Variants in AKR1B15 observed in about 807,000 individuals in gnomAD.
AKR1B15 encodes aldo-keto reductase family 1 member B15.
In AKR1B15, 49 loss-of-function variants were observed where a neutral mutation model predicts 38.5. That is an observed-to-expected ratio of 1.27 (90% CI 1.01 to 1.62). AKR1B15 has a LOEUF of 1.62. Ranked by LOEUF, AKR1B15 falls within the 40% of genes most tolerant of loss-of-function variation. AKR1B15 has a pLI of 0.00. For missense variants in AKR1B15, 411 were observed against 381.6 expected (o/e 1.08, Z -0.64); for synonymous variants, 137 against 135.5 (o/e 1.01, Z -0.08).
intron 3 of AKR1B15, chr7:134,564,989 A>G (rs1585801630): frequency 2.7e-6 from 1 of 373,158 alleles, no homozygotes; most frequent in East Asian, 4.6e-5. Context: ...AAACGCAGCA[A>G]TCAGCACTCT....
chr7:134,574,994 T>G (rs1794732891), intron 6 of AKR1B15, among the ~76,000 whole-genome samples: 1 of 152,226 alleles, frequency 6.6e-6, no homozygotes, highest in African/African-American at 2.4e-5. Context: ...TTGCCCAGGT[T>G]TGGGTGTACA....
chr7:134,577,746 C>A lies in AKR1B15; in HGVS notation c.952C>A (p.Leu318Ile). 3 of 1,614,008 alleles carry A rather than the reference C, an allele frequency of 1.9e-6. No homozygotes were observed. The highest frequency in any genetic ancestry group is 1.7e-6 in the Non-Finnish European group (2 of 1,179,970). The change falls in exon 11 of 12, where the codon CTC (leucine) becomes ATC (isoleucine). Residue 318 changes from leucine (L) to isoleucine (I), a missense_variant. Around this residue, in one of 3 missense-constraint regions of AKR1B15, gnomAD observed 133 missense variants for 120.3 expected, o/e 1.11. Coordinates refer to ENST00000457545, the MANE Select transcript of AKR1B15 (RefSeq NM_001080538.3). ...GAGTGATGAGGAGATGGCAACCATA[C>A]TCAGCTTCAACAGAAACTGGAGGGC... ...KLSDEEMATI[L>I]SFNRNWRAFD... is the part of the protein sequence containing the mutation.
intron 5 of AKR1B15, among the ~76,000 whole-genome samples, chr7:134,571,276 A>T (rs1216191421): frequency 1.3e-5 from 2 of 152,208 alleles, no homozygotes; most frequent in Non-Finnish European, 2.9e-5. Context: ...ATCTTTATCC[A>T]GTGATACTGA....
intron 1 of AKR1B15, among the ~76,000 whole-genome samples, chr7:134,556,495 T>C (rs1794201567): frequency 6.6e-6 from 1 of 152,172 alleles, no homozygotes; most frequent in Non-Finnish European, 1.5e-5. Flanking sequence ...AGGTATAACT[T>C]ACCTGCTTCT....
At chr7:134,551,884 G>A (rs996189012) in intron 1 of AKR1B15, among the ~76,000 whole-genome samples, 10 of 152,176 alleles carry the variant, frequency 6.6e-5, no homozygotes, top group Admixed American at 3.3e-4. Context: ...ACCCTGCCCC[G>A]CAGCAGAGGA....
chr7:134,577,845 G>T, intron 11 of AKR1B15, 59 bp downstream of exon 11: 1 of 1,574,014 alleles, frequency 6.4e-7, no homozygotes, highest in South Asian at 1.1e-5. Flanking sequence ...CTGGTAGAGG[G>T]TTAGTTGGAA....
At chr7:134,577,813 A>T in intron 11 of AKR1B15, 27 bp downstream of exon 11, 3 of 1,610,786 alleles carry the variant, frequency 1.9e-6, no homozygotes, top group South Asian at 1.1e-5. Flanking sequence ...TAACTAGAAG[A>T]ATTGCCAGGA....
chr7:134,565,495 G>A (rs1562948180), intron 3 of AKR1B15: 1 of 1,613,752 alleles, frequency 6.2e-7, no homozygotes, highest in Non-Finnish European at 8.5e-7. Context: ...CCACGTTTGT[G>A]GAGCTCAGTA....
rs551694852 is a variant in AKR1B15, at chr7:134,571,562, C to A, written c.436-42C>A. 6.7e-6 allele frequency: 10 copies of A among 1,486,270 alleles called. No individual in the cohort carries two copies. The African/African-American group carries it at 1.1e-4, about 16-fold the overall frequency. 92.1% of individuals were successfully genotyped at this position (1,486,270 alleles called of 1,614,324 possible). ...AACCTTGTTGAACAGAACCAAGTGT[C>A]CTGATGCAGATTCCAGTAAACTTTT... is the stretch of plus-strand genomic sequence containing the variant. On this transcript the variant is annotated intron_variant, in intron 5 of 11. Coordinates refer to ENST00000457545, the MANE Select transcript of AKR1B15 (RefSeq NM_001080538.3).
At chr7:134,550,169 C>A (rs757537081) in intron 1 of AKR1B15, among the ~76,000 whole-genome samples, 4 of 152,100 alleles carry the variant, frequency 2.6e-5, no homozygotes, top group Non-Finnish European at 5.9e-5. Flanking sequence ...TTTTCCCATG[C>A]CCTTAAATAA....
At chr7:134,566,748 G>T (rs1034159547) in intron 3 of AKR1B15, among the ~76,000 whole-genome samples, 3 of 152,094 alleles carry the variant, frequency 2.0e-5, no homozygotes, top group African/African-American at 7.2e-5. Context: ...GTGCCGAGCT[G>T]GAGGGTAGGA....
intron 3 of AKR1B15, among the ~76,000 whole-genome samples, chr7:134,565,751 T>A (rs577963692): frequency 1.3e-5 from 2 of 152,272 alleles, no homozygotes; most frequent in South Asian, 4.1e-4. Flanking sequence ...CCAGCAGTGA[T>A]GAGAACTCCT....
chr7:134,554,830 A>C (rs574241090), intron 1 of AKR1B15, among the ~76,000 whole-genome samples: 35 of 152,300 alleles, frequency 2.3e-4, no homozygotes, highest in African/African-American at 7.9e-4. Context: ...CTGTTGTAAT[A>C]AGGTCTGATA....
intron 5 of AKR1B15, 77 bp downstream of exon 5, chr7:134,569,606 G>T (rs1297412980): frequency 6.9e-7 from 1 of 1,451,288 alleles, no homozygotes; most frequent in East Asian, 2.3e-5. Context: ...AGAGAGACTG[G>T]CTGAAGCCAT....
At chr7:134,577,134 C>A in intron 10 of AKR1B15, 88 bp downstream of exon 10, 1 of 1,356,846 alleles carries the variant, frequency 7.4e-7, no homozygotes, top group East Asian at 2.3e-5. Flanking sequence ...CTCATCCCTG[C>A]ACTGTCTTTG....
intron 1 of AKR1B15, among the ~76,000 whole-genome samples, chr7:134,555,479 C>T (rs572175446): frequency 1.8e-4 from 27 of 152,210 alleles, no homozygotes; most frequent in Admixed American, 3.3e-4. Context: ...CTTAAAACTG[C>T]GCCTAAGTTG....
At chr7:134,575,785 G>A (rs199732289) in intron 7 of AKR1B15, 36 bp from the exon 8 acceptor site, 1,214 of 1,611,666 alleles carry the variant, frequency 7.5e-4, no homozygotes, top group Non-Finnish European at 9.3e-4. Context: ...AAACAGAGCC[G>A]GCTTTCCCCG....
At chr7:134,563,680 G>A (rs1241087687) in intron 2 of AKR1B15, among the ~76,000 whole-genome samples, 4 of 152,098 alleles carry the variant, frequency 2.6e-5, no homozygotes, top group Non-Finnish European at 4.4e-5. Flanking sequence ...TCTGGCTAAA[G>A]GATTGTTAAT....
At chr7:134,565,894 G>A (rs1231333995) in intron 3 of AKR1B15, among the ~76,000 whole-genome samples, 3 of 152,098 alleles carry the variant, frequency 2.0e-5, no homozygotes, top group Non-Finnish European at 2.9e-5. Context: ...GTTGTGGGCT[G>A]GGTGGTTGTG....
Sources: allele counts gnomAD v4.1 joint callset (sites outside exome capture counted in the v4.1 genomes callset), GRCh38; gene constraint gnomAD v4.1.1; regional missense constraint gnomAD v4.1.1; transcripts MANE v1.5; gene names NCBI Gene and HGNC (gene_info 2026-07-23, HGNC 2026-07-21).